PROS1: variants seen among roughly 807,000 people sequenced by gnomAD.
PROS1 encodes the protein vitamin K-dependent protein S.
PROS1 carries 29 observed loss-of-function variants against 75.9 expected under a neutral mutation model. The observed-to-expected ratio is 0.38, with a 90% CI of 0.28 to 0.52. The LOEUF is 0.52. Ranked by LOEUF, PROS1 falls within the 20% of genes least tolerant of loss-of-function variation. The pLI, the probability that PROS1 is intolerant of heterozygous loss-of-function variation, is 0.83. For synonymous variants in PROS1, 245 were observed against 280.6 expected (o/e 0.87, Z 1.27); for missense variants, 680 against 810.3 (o/e 0.84, Z 1.95).
chr3:93,923,764 G>A lies in PROS1; in HGVS notation c.259+476C>T, dbSNP rs1708977481. 4.6e-5 allele frequency among the ~76,000 whole-genome samples: 7 copies of A among 152,208 alleles called. No individual in the cohort carries two copies. In the South Asian group the frequency reaches 1.2e-3, roughly 27 times the overall value. ...AAAATACAAAAATTAGCTGGGTGTGGTGGCACATGCCTGTAATCCCAGCTA... is the reference window on the plus strand; with the variant it reads ...AAAATACAAAAATTAGCTGGGTGTGATGGCACATGCCTGTAATCCCAGCTA... On this transcript the variant is annotated intron_variant, in intron 3 of 14. Transcript: ENST00000394236.
chr3:93,966,689 C>G (rs1407911595), intron 1 of PROS1, among the ~76,000 whole-genome samples: 1 of 151,472 alleles, frequency 6.6e-6, no homozygotes, highest in African/African-American at 2.4e-5. Context: ...CCAGCCTGGC[C>G]AACATGGTGG....
At chr3:93,879,473 C>T (rs185664810) in intron 12 of PROS1, among the ~76,000 whole-genome samples, 159 bp from the exon 13 acceptor site, 1 of 152,226 alleles carries the variant, frequency 6.6e-6, no homozygotes, top group East Asian at 1.9e-4. Flanking sequence ...CAAAACAAAA[C>T]AAACTTTTTT....
intron 3 of PROS1, chr3:93,910,980 T>G (rs1284076246): frequency 2.5e-6 from 1 of 401,642 alleles, no homozygotes; most frequent in Admixed American, 4.2e-5. Flanking sequence ...AAAAAAACCT[T>G]GATTTAGCAT....
At chr3:93,874,795 C>G (rs1482097628) in intron 14 of PROS1, among the ~76,000 whole-genome samples, 1 of 152,158 alleles carries the variant, frequency 6.6e-6, no homozygotes, top group South Asian at 2.1e-4. Flanking sequence ...ATTATAGCTA[C>G]TTGGGAATCT....
chr3:93,875,979 A>G (rs1708181562), intron 14 of PROS1, among the ~76,000 whole-genome samples: 1 of 152,132 alleles, frequency 6.6e-6, no homozygotes, highest in African/African-American at 2.4e-5. Context: ...TTTTTCCTCC[A>G]GTTTTCCCCA....
intron 3 of PROS1, among the ~76,000 whole-genome samples, chr3:93,921,072 T>G (rs1708938252): frequency 6.6e-6 from 1 of 152,194 alleles, no homozygotes; most frequent in African/African-American, 2.4e-5. Context: ...CTTTTAGTGG[T>G]GGGGTCTTAC....
intron 1 of PROS1, among the ~76,000 whole-genome samples, chr3:93,933,662 A>T (rs957057474): frequency 7.2e-5 from 11 of 152,148 alleles, no homozygotes; most frequent in African/African-American, 1.7e-4. Context: ...GGTGGCCCAC[A>T]CCTGTAATCC....
At chr3:93,879,447 A>T in intron 12 of PROS1, 133 bp from the exon 13 acceptor site, 1 of 1,289,488 alleles carries the variant, frequency 7.8e-7, no homozygotes, top group Non-Finnish European at 1.1e-6. Flanking sequence ...TTTCTCAATG[A>T]TCTATATAAC....
At chr3:93,923,721 G>A (rs1369060421) in intron 3 of PROS1, among the ~76,000 whole-genome samples, 8 of 152,154 alleles carry the variant, frequency 5.3e-5, no homozygotes, top group African/African-American at 1.4e-4. Flanking sequence ...CCAACATGGC[G>A]AAACCCTGTC....
At chr3:93,950,408 G>T (rs1447549314) in intron 1 of PROS1, among the ~76,000 whole-genome samples, 1 of 152,184 alleles carries the variant, frequency 6.6e-6, no homozygotes, top group Non-Finnish European at 1.5e-5. Flanking sequence ...TGACCCCCAA[G>T]TAGCTTAACT....
intron 3 of PROS1, among the ~76,000 whole-genome samples, chr3:93,920,473 C>T (rs1296741559): frequency 6.6e-6 from 1 of 152,034 alleles, no homozygotes; most frequent in East Asian, 1.9e-4. Flanking sequence ...TTCTACTAGA[C>T]TACTGCTTGC....
At chr3:93,896,868 GTCTA>G (rs1485903432) in intron 8 of PROS1, among the ~76,000 whole-genome samples, 177 bp from the exon 9 acceptor site, 4 of 151,980 alleles carry the variant, frequency 2.6e-5, no homozygotes, top group African/African-American at 4.8e-5. Flanking sequence ...TCCTTGTATA[GTCTA>G]TCTATCAGTA....
At chr3:93,951,804 A>G (rs1477043401) in intron 1 of PROS1, among the ~76,000 whole-genome samples, 1 of 152,240 alleles carries the variant, frequency 6.6e-6, no homozygotes, top group Non-Finnish European at 1.5e-5. Flanking sequence ...ATAAAGAGTT[A>G]AGACCCATCA....
At chr3:93,951,203 T>A (rs1379174666) in intron 1 of PROS1, among the ~76,000 whole-genome samples, 1 of 152,106 alleles carries the variant, frequency 6.6e-6, no homozygotes. Context: ...TTCCCCAACC[T>A]AGCAAGGCAG....
intron 1 of PROS1, among the ~76,000 whole-genome samples, chr3:93,945,423 C>G (rs1462844849): frequency 6.6e-6 from 1 of 152,172 alleles, no homozygotes; most frequent in African/African-American, 2.4e-5. Flanking sequence ...AAAATACTGG[C>G]AAACCGAATC....
chr3:93,909,696 A>G (rs1708731170), intron 4 of PROS1, among the ~76,000 whole-genome samples: 1 of 152,066 alleles, frequency 6.6e-6, no homozygotes, highest in African/African-American at 2.4e-5. Flanking sequence ...TACTGCCTAT[A>G]TTTCTATCTC....
At chr3:93,921,307 G>A (rs1708940730) in intron 3 of PROS1, among the ~76,000 whole-genome samples, 1 of 152,110 alleles carries the variant, frequency 6.6e-6, no homozygotes, top group Non-Finnish European at 1.5e-5. Flanking sequence ...AAAATCAAAA[G>A]GAATGCTATT....
chr3:93,957,794 C>T (rs1004439568), intron 1 of PROS1, among the ~76,000 whole-genome samples: 1 of 152,122 alleles, frequency 6.6e-6, no homozygotes, highest in African/African-American at 2.4e-5. Context: ...CGAAGAAATA[C>T]CTAAGACTGG....
At chr3:93,956,563 AACAC>A (rs35328809) in intron 1 of PROS1, among the ~76,000 whole-genome samples, 41 of 128,378 alleles carry the variant, frequency 3.2e-4, no homozygotes, top group East Asian at 9.1e-4. Flanking sequence ...CACACACACA[AACAC>A]ACACACACAC....
Sources: gnomAD v4.1 joint callset for allele counts (sites outside exome capture counted in the v4.1 genomes callset) on GRCh38, gnomAD v4.1.1 for gene constraint, MANE v1.5 for transcripts, NCBI Gene and HGNC (gene_info 2026-07-23, HGNC 2026-07-21) for gene names.